BNIP3: variants seen among roughly 807,000 people sequenced by gnomAD.
BNIP3 encodes BCL2/adenovirus E1B 19 kDa protein-interacting protein 3.
A neutral mutation model predicts 23.9 loss-of-function variants in BNIP3; 16 were observed. The ratio of observed to expected loss-of-function variants is 0.67; its 90% CI spans 0.45 to 1.01. The LOEUF is 1.01. Among genes scored for constraint, BNIP3 ranks in the 50% least tolerant of loss-of-function variants. The probability of loss-of-function intolerance (pLI) is 0.00; values close to 1 mark genes in which losing one functional copy is unlikely to be tolerated. For missense variants in BNIP3, 198 were observed against 248.7 expected (o/e 0.80, Z 1.37); for synonymous variants, 81 against 89.3 (o/e 0.91, Z 0.53).
chr10:131,971,108 C>T, intron 3 of BNIP3, 138 bp from the exon 4 acceptor site: 1 of 779,134 alleles, frequency 1.3e-6, no homozygotes, highest in Non-Finnish European at 2.1e-6. Flanking sequence ...GGACCGTGGT[C>T]CAAGGGGAGT....
At chr10:131,973,699 C>T in intron 2 of BNIP3, 94 bp downstream of exon 2, 1 of 1,531,514 alleles carries the variant, frequency 6.5e-7, no homozygotes, top group Non-Finnish European at 8.8e-7. Context: ...CAGCAGCCCA[C>T]TGTCCTAGAG....
In BNIP3 at chr10:131,970,270, C is replaced by T. The variant is rs45455496; in HGVS notation, c.539+368G>A. The T allele has an allele frequency of 0.035, 8,531 of 242,984 alleles. 202 individuals are homozygous for T. Among genetic ancestry groups the T allele is most frequent in the Middle Eastern group, 0.079 (55 of 696 alleles). The allele number at this position is 242,984 out of a possible 1,614,324, so 15.1% of individuals were successfully genotyped here. A position where few individuals can be genotyped will look rare whatever the true frequency, so the allele number is the denominator to read the frequency against. On this transcript the variant is annotated intron_variant, in intron 5 of 5. Transcript: ENST00000368636. The surrounding 1 kb of genome is among the most constrained non-coding windows in gnomAD (Gnocchi z 4.1). ...GGAAGTACAGCAGGTAACTGAGACCCTCCACCTACAGCAGAGCTGGGTGCA... is the reference window on the plus strand; with the variant it reads ...GGAAGTACAGCAGGTAACTGAGACCTTCCACCTACAGCAGAGCTGGGTGCA...
At chr10:131,968,637 CA>C (rs2036992521) in intron 5 of BNIP3, 68 bp from the exon 6 acceptor site, 6 of 1,409,222 alleles carry the variant, frequency 4.3e-6, no homozygotes, top group Non-Finnish European at 6.0e-6. Context: ...ACAGCTGAAA[CA>C]GGGTAGCTCA....
intron 1 of BNIP3, 99 bp from the exon 2 acceptor site, chr10:131,974,042 A>G (rs935226193): frequency 1.3e-6 from 2 of 1,483,386 alleles, no homozygotes; most frequent in Non-Finnish European, 1.8e-6. Context: ...TCCAAGAGGT[A>G]GCAATGGTGC....
In BNIP3 at chr10:131,970,876, T is replaced by A; in HGVS notation, c.377A>T (p.Asn126Ile). The A allele has an allele frequency of 6.2e-7, 1 of 1,614,196 alleles. No individual in the cohort carries two copies. The highest frequency in any genetic ancestry group is 1.3e-5 in the African/African-American group (1 of 75,058). Residue 126 changes from asparagine to isoleucine, a missense_variant, in exon 4 of 6, where the codon AAT (asparagine) becomes ATT (isoleucine). By Grantham distance (149) the Asn-to-Ile change is moderately radical. Coordinates refer to ENST00000368636, the MANE Select transcript of BNIP3 (RefSeq NM_004052.4). This position sits in a 1 kb window ranked among gnomAD's most constrained non-coding sequence, Gnocchi z 4.1. ...AGAACACACTCACTTGGGGGGAATA[T>A]TTTCCGGCCGACTTGACCAATCCCA... is the stretch of plus-strand genomic sequence containing the variant. ...WIWDWSSRPE[N>I]IPPKEFLFKH...
chr10:131,973,985 C>G, intron 1 of BNIP3, 42 bp from the exon 2 acceptor site: 1 of 1,610,666 alleles, frequency 6.2e-7, no homozygotes, highest in Non-Finnish European at 8.5e-7. Flanking sequence ...AATTCTCTAC[C>G]CACTCTGGAA....
rs569503520 is a variant in BNIP3, at chr10:131,970,454, G to T, written c.539+184C>A. ...CAGCACCACAGGGCGCCTGTGCTGG[G>T]GCCTTTGGGGGCTGCAGGCTGGTGG... On this transcript the variant is annotated intron_variant, in intron 5 of 5. Transcript: ENST00000368636. The surrounding 1 kb of genome is among the most constrained non-coding windows in gnomAD (Gnocchi z 4.1). The T allele has an allele frequency of 1.2e-6, 1 of 836,610 alleles. No individual in the cohort carries two copies. The allele number at this position is 836,610 out of a possible 1,614,324, so 51.8% of individuals were successfully genotyped here. A position where few individuals can be genotyped will look rare whatever the true frequency, so the allele number is the denominator to read the frequency against.
At chr10:131,972,250 C>T (rs2037041696) in intron 3 of BNIP3, among the ~76,000 whole-genome samples, 1 of 152,188 alleles carries the variant, frequency 6.6e-6, no homozygotes, top group Non-Finnish European at 1.5e-5. Flanking sequence ...CATTCAATAG[C>T]TGTTAACAGA....
rs2037081035 is a variant in BNIP3, at chr10:131,976,848, A to T, written c.47-2905T>A. On this transcript the variant is annotated intron_variant, in intron 1 of 5. Coordinates refer to ENST00000368636, the MANE Select transcript of BNIP3 (RefSeq NM_004052.4). The surrounding 1 kb of genome is among the most constrained non-coding windows in gnomAD (Gnocchi z 4.3). Reference sequence around the variant, plus strand: ...GGGGCTCCTTACAACTTACACCAAAAATGGTTAACCAAGGAGCACTTTTGG... The same window carrying T: ...GGGGCTCCTTACAACTTACACCAAATATGGTTAACCAAGGAGCACTTTTGG... Among the ~76,000 whole-genome samples the T allele has an allele frequency of 6.6e-6, 1 of 152,032 alleles. No homozygotes were observed. Among genetic ancestry groups the T allele is most frequent in the South Asian group, 2.1e-4 (1 of 4,828 alleles).
rs1212839985 is a variant in BNIP3 at position 131,970,579 on chromosome 10, G to A, written c.539+59C>T. The A allele has an allele frequency of 6.3e-7, 1 of 1,579,628 alleles. No individual in the cohort carries two copies. The highest frequency in any genetic ancestry group is 8.6e-7 in the Non-Finnish European group (1 of 1,161,358). On this transcript the variant is annotated intron_variant, in intron 5 of 5. Transcript: ENST00000368636. This position sits in a 1 kb window ranked among gnomAD's most constrained non-coding sequence, Gnocchi z 4.1. ...GGAAACAGGTTACGAATAAATCACT[G>A]CAACCCAGAATCGCCCCACGACATG...
Position 131,970,898 on chromosome 10 carries a change from C to A in BNIP3, c.355G>T (p.Asp119Tyr). 1 of 1,614,256 alleles carries A rather than the reference C, an allele frequency of 6.2e-7. No homozygotes were observed. The highest frequency in any genetic ancestry group is 2.2e-5 in the East Asian group (1 of 44,882). The change falls in exon 4 of 6, where the codon GAT (aspartate) becomes TAT (tyrosine). Residue 119 changes from aspartate (D) to tyrosine (Y), a missense_variant. Transcript: ENST00000368636. This position sits in a 1 kb window ranked among gnomAD's most constrained non-coding sequence, Gnocchi z 4.1. ...ILKKNSDWIWDWSSRPENIPP... is the reference protein window; with the variant it reads ...ILKKNSDWIWYWSSRPENIPP... ...ATATTTTCCGGCCGACTTGACCAATCCCATATCCAATCTGAGTTTTTCTTC... is the reference window on the plus strand; with the variant it reads ...ATATTTTCCGGCCGACTTGACCAATACCATATCCAATCTGAGTTTTTCTTC...
At chr10:131,979,065 T>TC (rs1295530431) in intron 1 of BNIP3, among the ~76,000 whole-genome samples, 1 of 151,570 alleles carries the variant, frequency 6.6e-6, no homozygotes, top group African/African-American at 2.4e-5. Flanking sequence ...TGGCCTCCTC[T>TC]CCTCCAGGAC....
chr10:131,968,439 C>T lies in BNIP3; in HGVS notation c.*85G>A, dbSNP rs921988344. On this transcript the variant is annotated 3_prime_UTR_variant, in exon 6 of 6. Coordinates refer to ENST00000368636, the MANE Select transcript of BNIP3 (RefSeq NM_004052.4). ...AAATAAACACAAGTGACGTGGCCAC[C>T]CCAGGATCTAACAGCTCTTCAGTGA... 32 of 1,169,254 alleles carry T rather than the reference C, an allele frequency of 2.7e-5. No homozygotes were observed. The East Asian group carries it at 7.1e-4, about 26-fold the overall frequency. The allele number at this position is 1,169,254 out of a possible 1,614,324, so 72.4% of individuals were successfully genotyped here.
rs1245213790 is a variant in BNIP3, at chr10:131,973,726, C to G, written c.197+67G>C. 5 of 1,586,464 alleles carry G rather than the reference C, an allele frequency of 3.2e-6. No individual in the cohort carries two copies. The Admixed American group carries it at 8.5e-5, about 27-fold the overall frequency. ...GTCCTAGAGGTGACACGGGCACTTCCAGCTGTGACTGTCACCCACTGAAGA... is the reference window on the plus strand; with the variant it reads ...GTCCTAGAGGTGACACGGGCACTTCGAGCTGTGACTGTCACCCACTGAAGA... On this transcript the variant is annotated intron_variant, in intron 2 of 5. Coordinates refer to ENST00000368636, the MANE Select transcript of BNIP3 (RefSeq NM_004052.4).
chr10:131,968,899 C>G, intron 5 of BNIP3: 2 of 221,986 alleles, frequency 9.0e-6, no homozygotes, highest in Non-Finnish European at 1.8e-5. Context: ...GATGGTGTTG[C>G]TAGTTCATCA....
At chr10:131,972,313 G>A (rs1354721088) in intron 3 of BNIP3, among the ~76,000 whole-genome samples, 1 of 152,124 alleles carries the variant, frequency 6.6e-6, no homozygotes, top group Non-Finnish European at 1.5e-5. Context: ...CCAGTATTTT[G>A]GGAGGATCAC....
chr10:131,971,100 A>G, intron 3 of BNIP3, 130 bp from the exon 4 acceptor site: 1 of 837,756 alleles, frequency 1.2e-6, no homozygotes, highest in Non-Finnish European at 1.9e-6. Context: ...AGTGCCTCGG[A>G]CCGTGGTCCA....
At chr10:131,972,519 G>A (rs1055896116) in intron 3 of BNIP3, among the ~76,000 whole-genome samples, 1 of 152,230 alleles carries the variant, frequency 6.6e-6, no homozygotes, top group African/African-American at 2.4e-5. Context: ...TTTCCGGCAG[G>A]TAGTGAGTGT....
intron 1 of BNIP3, 72 bp from the exon 2 acceptor site, chr10:131,974,015 C>T: frequency 6.3e-7 from 1 of 1,579,108 alleles, no homozygotes; most frequent in Non-Finnish European, 8.6e-7. Context: ...GATATCTAAC[C>T]AGCCTGCCCT....
Sources: allele counts gnomAD v4.1 joint callset (sites outside exome capture counted in the v4.1 genomes callset), GRCh38; gene constraint gnomAD v4.1.1; non-coding constraint Gnocchi (gnomAD v3.1); transcripts MANE v1.5; gene names NCBI Gene and HGNC (gene_info 2026-07-23, HGNC 2026-07-21).